HEPACAM2: variants seen among roughly 807,000 people sequenced by gnomAD.
HEPACAM2 encodes the protein mitotic kinetics regulator.
HEPACAM2 carries 49 observed loss-of-function variants against 49.6 expected under a neutral mutation model. The observed-to-expected ratio is 0.99, with a 90% CI of 0.78 to 1.25. The LOEUF is 1.25. Ranked by LOEUF, HEPACAM2 falls within the 50% of genes most tolerant of loss-of-function variation. HEPACAM2 has a pLI of 0.00. For synonymous variants in HEPACAM2, 197 were observed against 202.9 expected (o/e 0.97, Z 0.25); for missense variants, 525 against 557.2 (o/e 0.94, Z 0.58).
At chr7:93,219,987 G>A (rs1237838189) in intron 1 of HEPACAM2, among the ~76,000 whole-genome samples, 4 of 152,142 alleles carry the variant, frequency 2.6e-5, no homozygotes, top group Non-Finnish European at 1.5e-5. Flanking sequence ...ACCATTATCA[G>A]TCATGACCAG....
chr7:93,197,115 G>T (rs1020432337), intron 7 of HEPACAM2, 126 bp downstream of exon 7: 6 of 599,428 alleles, frequency 1.0e-5, no homozygotes, highest in Non-Finnish European at 1.4e-5. Flanking sequence ...TAACTCAAAG[G>T]TAAGAGACTG....
At chr7:93,192,393 T>G (rs1260674623) in intron 8 of HEPACAM2, 30 bp from the exon 9 acceptor site, 2 of 1,515,744 alleles carry the variant, frequency 1.3e-6, no homozygotes, top group East Asian at 4.5e-5. Flanking sequence ...AAAAATAAAT[T>G]ATCTCAAGAC....
upstream of HEPACAM2, among the ~76,000 whole-genome samples, chr7:93,227,769 G>A (rs1446096478): frequency 6.6e-6 from 1 of 152,074 alleles, no homozygotes; most frequent in Non-Finnish European, 1.5e-5. Context: ...ATCTATTGCA[G>A]CACTTATCTC....
chr7:93,217,866 G>A (rs2116711306), intron 2 of HEPACAM2, among the ~76,000 whole-genome samples: 2 of 144,488 alleles, frequency 1.4e-5, no homozygotes, highest in East Asian at 4.1e-4. Flanking sequence ...TTTTCTCTGA[G>A]CATGTGTGTC....
In HEPACAM2 at chr7:93,219,101, C is replaced by A; in HGVS notation, c.430G>T (p.Asp144Tyr). 1 of 1,612,624 alleles carries A rather than the reference C, an allele frequency of 6.2e-7. No homozygotes were observed. Among genetic ancestry groups the A allele is most frequent in the Non-Finnish European group, 8.5e-7 (1 of 1,179,042 alleles). ...CCTCGTACACTCACAGGGGACTCAC[C>A]ATCAACCGTGACTTGTATCTTCTGA... The part of the protein sequence containing the change: ...ASQKIQVTVD[D>Y]PVTKPVVQIH... Residue 144 changes from aspartate (D) to tyrosine (Y), a missense_variant and splice_region_variant, in exon 2 of 10, where the codon GAT becomes TAT. Asp to Tyr is a radical substitution (Grantham distance 160). Coordinates refer to ENST00000394468, the MANE Select transcript of HEPACAM2 (RefSeq NM_001039372.4).
intron 3 of HEPACAM2, among the ~76,000 whole-genome samples, chr7:93,212,865 A>G (rs1451747419): frequency 6.6e-6 from 1 of 152,090 alleles, no homozygotes; most frequent in East Asian, 1.9e-4. Flanking sequence ...AACTAGAGTG[A>G]CCTCTGATAC....
intron 4 of HEPACAM2, among the ~76,000 whole-genome samples, chr7:93,207,201 C>A (rs1460505489): frequency 6.6e-6 from 1 of 152,092 alleles, no homozygotes; most frequent in African/African-American, 2.4e-5. Flanking sequence ...TATTATGGGT[C>A]TTTTTCTAGG....
chr7:93,195,948 G>T (rs1484961313), intron 7 of HEPACAM2, 47 bp from the exon 8 acceptor site: 1 of 1,375,516 alleles, frequency 7.3e-7, no homozygotes. Flanking sequence ...GCCTTGATTT[G>T]CTGTTGTTTT....
At chr7:93,191,108 G>A (rs1386277246) in intron 9 of HEPACAM2, among the ~76,000 whole-genome samples, 1 of 151,940 alleles carries the variant, frequency 6.6e-6, no homozygotes, top group East Asian at 1.9e-4. Flanking sequence ...ATTATAGACA[G>A]TAAAGAGAAT....
chr7:93,225,368 CTT>C (rs1410387929), intron 1 of HEPACAM2, among the ~76,000 whole-genome samples: 1 of 151,938 alleles, frequency 6.6e-6, no homozygotes, highest in Non-Finnish European at 1.5e-5. Context: ...AACTCAAAGA[CTT>C]AAAAAAATTT....
chr7:93,198,508 T>C (rs1231026569), intron 4 of HEPACAM2, among the ~76,000 whole-genome samples: 2 of 152,152 alleles, frequency 1.3e-5, no homozygotes, highest in Non-Finnish European at 2.9e-5. Context: ...ACTGTGGCTA[T>C]GTTAACACCA....
Position 93,204,319 on chromosome 7 carries a change from A to G in HEPACAM2, c.1012+4261T>C, listed in dbSNP as rs949020677. ...TGATCAGATGATTACATTTCCATAA[A>G]CATTCTCTATCTATCTATCTATCTA... On this transcript the variant is annotated intron_variant, in intron 4 of 9. Transcript: ENST00000394468. Among the ~76,000 whole-genome samples the G allele has an allele frequency of 6.3e-5, 9 of 142,776 alleles. No individual in the cohort carries two copies. The Admixed American group carries it at 6.4e-4, about 10-fold the overall frequency. The allele number at this position is 142,776 out of a possible 152,430, so 93.7% of individuals were successfully genotyped here. A position where few individuals can be genotyped will look rare whatever the true frequency, so the allele number is the denominator to read the frequency against.
At position 93,222,092 on chromosome 7, in the gene HEPACAM2, A is replaced by G. The variant is rs1278652573; in HGVS notation, c.80-2641T>C. Among the ~76,000 whole-genome samples the G allele has an allele frequency of 2.0e-5, 3 of 152,172 alleles. No homozygotes were observed. In the East Asian group the frequency reaches 5.8e-4, roughly 29 times the overall value. ...GGGAGAGAGAAATCTATGTCTCAAA[A>G]TTAGTGATGTCTAAGATATGTGAAG... On this transcript the variant is annotated intron_variant, in intron 1 of 9. Coordinates refer to ENST00000394468, the MANE Select transcript of HEPACAM2 (RefSeq NM_001039372.4).
rs1457779624 is a variant in HEPACAM2, at chr7:93,215,421, A to G, written c.695T>C (p.Ile232Thr). The change falls in exon 3 of 10, where the codon ATC becomes ACC. Residue 232 changes from isoleucine to threonine, a missense_variant. By Grantham distance (89) the Ile-to-Thr change is moderately conservative. Transcript: ENST00000394468. The stretch of plus-strand genomic sequence containing the variant: ...CTTACAATATATGATGGGCATAATG[A>G]TATCACTTTCCATTTCACTGACAGG... ...RNPVSEMESD[I>T]IMPIIYYGPY... 1 of 1,613,676 alleles carries G rather than the reference A, an allele frequency of 6.2e-7. No homozygotes were observed. Among genetic ancestry groups the G allele is most frequent in the Non-Finnish European group, 8.5e-7 (1 of 1,179,720 alleles).
chr7:93,210,041 A>G (rs1271060871), intron 3 of HEPACAM2, among the ~76,000 whole-genome samples: 2 of 151,774 alleles, frequency 1.3e-5, no homozygotes, highest in Non-Finnish European at 2.9e-5. Flanking sequence ...TACCATTTCT[A>G]TGGTGTTAGG....
intron 1 of HEPACAM2, 41 bp downstream of exon 1, chr7:93,226,327 A>G: frequency 6.9e-7 from 1 of 1,448,608 alleles, no homozygotes. Flanking sequence ...AAAAAAAAAA[A>G]CCTAACAAAC....
intron 7 of HEPACAM2, 50 bp from the exon 8 acceptor site, chr7:93,195,951 G>C: frequency 7.4e-7 from 1 of 1,356,022 alleles, no homozygotes; most frequent in East Asian, 2.3e-5. Context: ...TTGATTTGCT[G>C]TTGTTTTTTA....
At chr7:93,192,923 G>A (rs1019886574) in intron 8 of HEPACAM2, among the ~76,000 whole-genome samples, 1 of 152,054 alleles carries the variant, frequency 6.6e-6, no homozygotes, top group Non-Finnish European at 1.5e-5. Flanking sequence ...AGGTGAATGT[G>A]GAAAGGATAG....
rs1467134517 is a variant in HEPACAM2, at chr7:93,195,161, G to C, written c.1275+667C>G. 3.5e-4 allele frequency among the ~76,000 whole-genome samples: 53 copies of C among 152,216 alleles called. 1 individual carries two copies. The South Asian group carries it at 8.1e-3, about 23-fold the overall frequency. On this transcript the variant is annotated intron_variant, in intron 8 of 9. Coordinates refer to ENST00000394468, the MANE Select transcript of HEPACAM2 (RefSeq NM_001039372.4). ...TGAGGAACAGAGAGAGTTTAGTAAA[G>C]TGATGGGTTGCAGTCACCCAAGTGA... is the stretch of plus-strand genomic sequence containing the variant.
Sources: allele counts gnomAD v4.1 joint callset (sites outside exome capture counted in the v4.1 genomes callset), GRCh38; gene constraint gnomAD v4.1.1; transcripts MANE v1.5; gene names NCBI Gene and HGNC (gene_info 2026-07-23, HGNC 2026-07-21).